OTOF: variants seen among roughly 807,000 people sequenced by gnomAD.
OTOF encodes fer-1-like family member 2.
In OTOF, 218 loss-of-function variants were observed where a neutral mutation model predicts 236.8. That is an observed-to-expected ratio of 0.92 (90% CI 0.82 to 1.03). The LOEUF is 1.03. OTOF is among the 50% of genes least tolerant of loss of function. OTOF has a pLI of 0.00. For missense variants in OTOF, 2,590 were observed against 2,694.4 expected (o/e 0.96, Z 0.86); for synonymous variants, 1,041 against 1,072.5 (o/e 0.97, Z 0.57).
intron 5 of OTOF, among the ~76,000 whole-genome samples, chr2:26,508,116 G>C (rs1296518004): frequency 6.6e-6 from 1 of 152,158 alleles, no homozygotes; most frequent in Admixed American, 6.6e-5. Context: ...TCACTGCCCA[G>C]GGCTTCTGCC....
At chr2:26,529,050 T>G (rs891368530) in intron 2 of OTOF, among the ~76,000 whole-genome samples, 2 of 152,072 alleles carry the variant, frequency 1.3e-5, no homozygotes, top group African/African-American at 4.8e-5. Flanking sequence ...TGAGGACAGT[T>G]TTTCCATGGG....
At chr2:26,494,059 C>T (rs1218729327) in intron 9 of OTOF, among the ~76,000 whole-genome samples, 1 of 152,210 alleles carries the variant, frequency 6.6e-6, no homozygotes, top group Non-Finnish European at 1.5e-5. Context: ...CCATCTGGAG[C>T]CTGGGAACCA....
chr2:26,476,903 C>A lies in OTOF; in HGVS notation c.2664G>T (p.Thr888=). ...CCCCCTCCAGCACCTTAAGGAAGAG[C>A]GTCTTGACCTTGGCGCAGTCCTTGC... ...ETGKDCAKVK[T]LFLKLPGKRG... The change falls in exon 22 of 47, where the codon ACG becomes ACT. Residue 888 remains threonine (T), a synonymous_variant. Transcript: ENST00000272371. 1.2e-6 allele frequency: 2 copies of A among 1,610,422 alleles called. No individual in the cohort carries two copies. The highest frequency in any genetic ancestry group is 1.3e-5 in the African/African-American group (1 of 74,944).
In OTOF at chr2:26,459,993, T is replaced by A; in HGVS notation, c.*17+15A>T. The A allele has an allele frequency of 6.4e-7, 1 of 1,554,586 alleles. No homozygotes were observed. The highest frequency in any genetic ancestry group is 1.2e-5 in the South Asian group (1 of 84,248). ...CTAGCCCTTGGTCCAGAGGAAGAAGTAAGAAATATCAGACCCAGGAGGCCA... is the reference window on the plus strand; with the variant it reads ...CTAGCCCTTGGTCCAGAGGAAGAAGAAAGAAATATCAGACCCAGGAGGCCA... On this transcript the variant is annotated intron_variant, in intron 46 of 46. Transcript: ENST00000272371.
chr2:26,475,992 G>C lies in OTOF; in HGVS notation c.2913C>G (p.Ser971Arg), dbSNP rs553174850. The C allele has an allele frequency of 1.9e-6, 3 of 1,612,708 alleles. No individual in the cohort carries two copies. The highest frequency in any genetic ancestry group is 2.5e-6 in the Non-Finnish European group (3 of 1,179,940). Reference protein sequence around the residue: ...QLRAHMYQARSLFAADSSGLS... With the variant: ...QLRAHMYQARRLFAADSSGLS... Reference sequence around the variant, plus strand: ...GTCCGCTGCTGTCGGCGGCAAAGAGGCTGCGGGCCTGGTACATGTGCGCTC... The same window carrying C: ...GTCCGCTGCTGTCGGCGGCAAAGAGCCTGCGGGCCTGGTACATGTGCGCTC... The change falls in exon 24 of 47, where the codon AGC becomes AGG. Residue 971 changes from serine (S) to arginine (R), a missense_variant. By Grantham distance (110) the Ser-to-Arg change is moderately radical (BLOSUM62 -1). Coordinates refer to ENST00000272371, the MANE Select transcript of OTOF (RefSeq NM_194248.3).
rs1239963530 is a variant in OTOF, at chr2:26,537,616, C to T, written c.138+100G>A. On this transcript the variant is annotated intron_variant, in intron 2 of 46. Coordinates refer to ENST00000272371, the MANE Select transcript of OTOF (RefSeq NM_194248.3). ...TGAGGGGCTCAGAGCAGGCCAGTGCCTGGGATTTGGGGCCAGTGTGTGCCC... is the reference window on the plus strand; with the variant it reads ...TGAGGGGCTCAGAGCAGGCCAGTGCTTGGGATTTGGGGCCAGTGTGTGCCC... The T allele has an allele frequency of 3.4e-6, 3 of 895,252 alleles. No individual in the cohort carries two copies. The African/African-American group carries it at 5.0e-5, about 15-fold the overall frequency. The allele number at this position is 895,252 out of a possible 1,614,324, so 55.5% of individuals were successfully genotyped here. A position where few individuals can be genotyped will look rare whatever the true frequency, so the allele number is the denominator to read the frequency against.
intron 30 of OTOF, among the ~76,000 whole-genome samples, chr2:26,472,050 T>G (rs944607159): frequency 1.3e-5 from 2 of 151,448 alleles, no homozygotes; most frequent in East Asian, 3.9e-4. Flanking sequence ...TACATGCACA[T>G]GCTCATACCA....
intron 1 of OTOF, among the ~76,000 whole-genome samples, chr2:26,554,633 G>C (rs2148139504): frequency 6.6e-6 from 1 of 151,622 alleles, no homozygotes; most frequent in South Asian, 2.1e-4. Flanking sequence ...GAATTAATGG[G>C]CGTTCTCAAG....
chr2:26,553,308 T>C (rs531491675), intron 1 of OTOF, among the ~76,000 whole-genome samples: 1 of 152,294 alleles, frequency 6.6e-6, no homozygotes, highest in East Asian at 1.9e-4. Context: ...TCTGGTCTGG[T>C]CGGTCCCTCA....
In OTOF at chr2:26,473,934, C is replaced by T; in HGVS notation, c.3408+57G>A. 1 of 1,609,784 alleles carries T rather than the reference C, an allele frequency of 6.2e-7. No individual in the cohort carries two copies. Among genetic ancestry groups the T allele is most frequent in the Non-Finnish European group, 8.5e-7 (1 of 1,177,522 alleles). On this transcript the variant is annotated intron_variant, in intron 27 of 46. Coordinates refer to ENST00000272371, the MANE Select transcript of OTOF (RefSeq NM_194248.3). This position sits in a 1 kb window ranked among gnomAD's most constrained non-coding sequence, Gnocchi z 7.2. ...GGAGGGGGATGACAAGCCACTTCCC[C>T]TCCTGGGTCCTCAGACTCCTCATCC... is the stretch of plus-strand genomic sequence containing the variant.
At position 26,477,504 on chromosome 2, in the gene OTOF, C is replaced by A. The variant is rs757781145; in HGVS notation, c.2318G>T (p.Arg773Leu). 2 of 1,601,568 alleles carry A rather than the reference C, an allele frequency of 1.2e-6. No homozygotes were observed. The highest frequency in any genetic ancestry group is 1.7e-6 in the Non-Finnish European group (2 of 1,174,974). Reference sequence around the variant, plus strand: ...GTCCTTGTCAGCGAGGGAGAGGAAGCGGCTGGGGGTAGGGCGAGCCGGGGT... The same window carrying A: ...GTCCTTGTCAGCGAGGGAGAGGAAGAGGCTGGGGGTAGGGCGAGCCGGGGT... ...VLEELSCGCCRFLSLADKDQG... is the reference protein window; with the variant it reads ...VLEELSCGCCLFLSLADKDQG... Residue 773 changes from arginine to leucine, a missense_variant and splice_region_variant, in exon 20 of 47, where the codon CGC becomes CTC. By Grantham distance (102) the Arg-to-Leu change is moderately radical. Around this residue, in one of 2 missense-constraint regions of OTOF, gnomAD observed 1,379 missense variants for 1,341.6 expected, o/e 1.03. Coordinates refer to ENST00000272371, the MANE Select transcript of OTOF (RefSeq NM_194248.3). This position sits in a 1 kb window ranked among gnomAD's most constrained non-coding sequence, Gnocchi z 4.7.
chr2:26,493,301 T>C (rs968498054), intron 9 of OTOF, among the ~76,000 whole-genome samples: 23 of 152,152 alleles, frequency 1.5e-4, no homozygotes, highest in African/African-American at 5.5e-4. Context: ...GTGCACAGTC[T>C]GAGGACTCTC....
At chr2:26,482,653 G>A in intron 13 of OTOF, 61 bp from the exon 14 acceptor site, 1 of 1,416,238 alleles carries the variant, frequency 7.1e-7, no homozygotes, top group Non-Finnish European at 9.9e-7. Flanking sequence ...GTGCATGTGT[G>A]TGTGTGTGAG....
chr2:26,550,327 A>G (rs1185725803), intron 1 of OTOF, among the ~76,000 whole-genome samples: 1 of 151,814 alleles, frequency 6.6e-6, no homozygotes, highest in Non-Finnish European at 1.5e-5. Context: ...AGAGAAATGG[A>G]TCACTGTCTG....
At chr2:26,537,956 C>G (rs1249533500) in intron 1 of OTOF, among the ~76,000 whole-genome samples, 182 bp from the exon 2 acceptor site, 1 of 152,210 alleles carries the variant, frequency 6.6e-6, no homozygotes, top group East Asian at 1.9e-4. Flanking sequence ...TTCTCTGACC[C>G]TCTCAGCAGC....
At chr2:26,535,110 A>T (rs1411967598) in intron 2 of OTOF, among the ~76,000 whole-genome samples, 1 of 152,166 alleles carries the variant, frequency 6.6e-6, no homozygotes, top group Non-Finnish European at 1.5e-5. Flanking sequence ...ACTGCTGACC[A>T]TTGGTGGCCA....
At chr2:26,503,617 G>T (rs190993455) in intron 6 of OTOF, among the ~76,000 whole-genome samples, 155 bp downstream of exon 6, 1 of 152,216 alleles carries the variant, frequency 6.6e-6, no homozygotes, top group Non-Finnish European at 1.5e-5. Context: ...GCCCTAGGGC[G>T]TCTCCTTCCT....
Position 26,472,643 on chromosome 2 carries a change from AG to A in OTOF, c.3739del (p.Leu1247PhefsTer23). Reference sequence around the variant, plus strand: ...GCACAGCACACGGCAGCGCCGGAGAAGCCTGACTGGACAGATGGATAGATGG... The same window carrying A: ...GCACAGCACACGGCAGCGCCGGAGAACCTGACTGGACAGATGGATAGATGG... ...SAPSWNTTVR[L>X]LRRCRVLCNG... On this transcript the variant is annotated frameshift_variant, in exon 30 of 47. Coordinates refer to ENST00000272371, the MANE Select transcript of OTOF (RefSeq NM_194248.3). LOFTEE classifies it high-confidence loss of function. The A allele has an allele frequency of 6.2e-7, 1 of 1,613,150 alleles. No homozygotes were observed. The highest frequency in any genetic ancestry group is 8.5e-7 in the Non-Finnish European group (1 of 1,179,918).
chr2:26,460,286 G>A lies in OTOF; in HGVS notation c.5814-81C>T. 1.7e-6 allele frequency: 2 copies of A among 1,179,964 alleles called. No homozygotes were observed. The highest frequency in any genetic ancestry group is 1.2e-6 in the Non-Finnish European group (1 of 810,306). 73.1% of individuals were successfully genotyped at this position (1,179,964 alleles called of 1,614,324 possible). A position where few individuals can be genotyped will look rare whatever the true frequency, so the allele number is the denominator to read the frequency against. The stretch of plus-strand genomic sequence containing the variant: ...GTGTGGCGAGGGGCCAAGACCAAGA[G>A]GGAAGCTGTCCTGGGCTGTGTGTGC... On this transcript the variant is annotated intron_variant, in intron 45 of 46. Coordinates refer to ENST00000272371, the MANE Select transcript of OTOF (RefSeq NM_194248.3). The surrounding 1 kb of genome is among the most constrained non-coding windows in gnomAD (Gnocchi z 5.3).
Sources: gnomAD v4.1 joint callset for allele counts (sites outside exome capture counted in the v4.1 genomes callset) on GRCh38, gnomAD v4.1.1 for gene constraint, gnomAD v4.1.1 regional missense constraint, Gnocchi (gnomAD v3.1) non-coding constraint, MANE v1.5 for transcripts, NCBI Gene and HGNC (gene_info 2026-07-23, HGNC 2026-07-21) for gene names.